Variants in VSTM5 observed in about 807,000 individuals in gnomAD.
VSTM5 encodes the protein V-set and transmembrane domain-containing protein 5.
Under a neutral mutation model 20.3 loss-of-function variants are expected in VSTM5, and 21 were observed. The observed-to-expected ratio is 1.03, with a 90% confidence interval of 0.73 to 1.49. The LOEUF (loss-of-function observed/expected upper bound fraction) is 1.49. Among genes scored for constraint, VSTM5 ranks in the 40% most tolerant of loss-of-function variants. VSTM5 has a pLI of 0.00. For synonymous variants in VSTM5, 100 were observed against 102.5 expected (o/e 0.98, Z 0.14); for missense variants, 219 against 250.0 (o/e 0.88, Z 0.84).
intron 1 of VSTM5, among the ~76,000 whole-genome samples, chr11:93,829,626 G>GT (rs1944265968): frequency 6.6e-6 from 1 of 152,188 alleles, no homozygotes; most frequent in African/African-American, 2.4e-5. Flanking sequence ...CAATAGGGGA[G>GT]TTGTGGAGGC....
chr11:93,830,281 T>G (rs1049714293), intron 1 of VSTM5, among the ~76,000 whole-genome samples: 3 of 152,218 alleles, frequency 2.0e-5, no homozygotes, highest in Non-Finnish European at 2.9e-5. Flanking sequence ...ACATCACATG[T>G]ACTGCCCTGG....
chr11:93,824,243 A>G (rs779215932), intron 1 of VSTM5, among the ~76,000 whole-genome samples: 3 of 152,122 alleles, frequency 2.0e-5, no homozygotes, highest in Non-Finnish European at 4.4e-5. Context: ...AGGAATCTCC[A>G]TACTTTTTTC....
In VSTM5 at chr11:93,850,361, C is replaced by T. The variant is rs958177514; in HGVS notation, c.91+51G>A. On this transcript the variant is annotated intron_variant, in intron 1 of 3. Coordinates refer to ENST00000409977, the MANE Select transcript of VSTM5 (RefSeq NM_001144871.2). ...TAGACCCCGGGGCCCCGCCCGTGCC[C>T]CCCTACCCATTCCCGCTCCCCCAGC... 22 of 1,508,862 alleles carry T rather than the reference C, an allele frequency of 1.5e-5. No individual in the cohort carries two copies. In the African/African-American group the frequency reaches 2.6e-4, roughly 18 times the overall value. The allele number at this position is 1,508,862 out of a possible 1,614,324, so 93.5% of individuals were successfully genotyped here. A position where few individuals can be genotyped will look rare whatever the true frequency, so the allele number is the denominator to read the frequency against.
At chr11:93,843,871 A>T (rs755071) in intron 1 of VSTM5, among the ~76,000 whole-genome samples, 1 of 151,718 alleles carries the variant, frequency 6.6e-6, no homozygotes, top group African/African-American at 2.4e-5. Context: ...ACAGACCATC[A>T]CCCACTGGGC....
At chr11:93,843,745 G>C (rs1944390282) in intron 1 of VSTM5, among the ~76,000 whole-genome samples, 1 of 152,076 alleles carries the variant, frequency 6.6e-6, no homozygotes, top group Non-Finnish European at 1.5e-5. Context: ...ATCTTTCTAA[G>C]CCACACATCT....
chr11:93,844,086 T>A (rs151318547), intron 1 of VSTM5, among the ~76,000 whole-genome samples: 2 of 152,314 alleles, frequency 1.3e-5, no homozygotes, highest in Non-Finnish European at 2.9e-5. Flanking sequence ...ACATTGTGCT[T>A]ATGTCCGAAT....
At chr11:93,826,497 G>C (rs971644799) in intron 1 of VSTM5, among the ~76,000 whole-genome samples, 1 of 151,616 alleles carries the variant, frequency 6.6e-6, no homozygotes, top group Non-Finnish European at 1.5e-5. Context: ...TCCCGGGTTC[G>C]TGCCATTCTC....
At chr11:93,834,761 C>A (rs187279452) in intron 1 of VSTM5, among the ~76,000 whole-genome samples, 1 of 123,926 alleles carries the variant, frequency 8.1e-6, no homozygotes, top group African/African-American at 3.1e-5. Context: ...CCAGCCTGGG[C>A]GACAGAGTGA....
chr11:93,832,274 A>C (rs978922157), intron 1 of VSTM5, among the ~76,000 whole-genome samples: 3 of 152,268 alleles, frequency 2.0e-5, no homozygotes, highest in African/African-American at 7.2e-5. Flanking sequence ...GATGATCTCA[A>C]AAATAATGAA....
chr11:93,842,960 G>A (rs1199577376), intron 1 of VSTM5, among the ~76,000 whole-genome samples: 2 of 152,074 alleles, frequency 1.3e-5, no homozygotes, highest in Admixed American at 6.5e-5. Context: ...GTGTGGTGGT[G>A]CACACCTGTA....
At chr11:93,836,779 A>G (rs1318560970) in intron 1 of VSTM5, among the ~76,000 whole-genome samples, 1 of 152,042 alleles carries the variant, frequency 6.6e-6, no homozygotes. Flanking sequence ...GGAGTTGCCT[A>G]TTTGGTTCCC....
intron 1 of VSTM5, among the ~76,000 whole-genome samples, chr11:93,834,493 CT>C (rs1944307056): frequency 6.6e-6 from 1 of 152,026 alleles, no homozygotes; most frequent in Non-Finnish European, 1.5e-5. Context: ...ACTTAAGCCC[CT>C]GGCCATGTGT....
chr11:93,834,640 G>A (rs749961327), intron 1 of VSTM5, among the ~76,000 whole-genome samples: 4 of 152,016 alleles, frequency 2.6e-5, no homozygotes, highest in South Asian at 2.1e-4. Context: ...AAAATTAGCC[G>A]GATGTGATGA....
chr11:93,848,189 C>T (rs1456903912), intron 1 of VSTM5, among the ~76,000 whole-genome samples: 1 of 152,160 alleles, frequency 6.6e-6, no homozygotes, highest in African/African-American at 2.4e-5. Flanking sequence ...TAGTGAATAT[C>T]AGAGGTTCTG....
chr11:93,849,831 G>C (rs1944443773), intron 1 of VSTM5, among the ~76,000 whole-genome samples: 1 of 152,208 alleles, frequency 6.6e-6, no homozygotes, highest in Non-Finnish European at 1.5e-5. Context: ...CAGTGCGCTG[G>C]TCGCGAGGAC....
rs189135882 is a variant in VSTM5, at chr11:93,839,060, C to T, written c.91+11352G>A. Among the ~76,000 whole-genome samples the T allele has an allele frequency of 2.0e-3, 308 of 152,328 alleles. 1 individual carries two copies. The highest frequency in any genetic ancestry group is 0.01 in the Middle Eastern group (3 of 294). On this transcript the variant is annotated intron_variant, in intron 1 of 3. Transcript: ENST00000409977. ...GCAACGCCAGGCTCTTCTTACAGCC[C>T]GGCCCCTGCAGAAAGGGCCTTGAGA... is the stretch of plus-strand genomic sequence containing the variant.
In VSTM5 at chr11:93,836,509, G is replaced by A. The variant is rs999503929; in HGVS notation, c.91+13903C>T. Among the ~76,000 whole-genome samples the A allele has an allele frequency of 7.9e-5, 12 of 152,134 alleles. No homozygotes were observed. In the East Asian group the frequency reaches 2.3e-3, roughly 29 times the overall value. On this transcript the variant is annotated intron_variant, in intron 1 of 3. Transcript: ENST00000409977. ...TTCTTCAGCCCCTTGGATTCATCTC[G>A]TTCTCTCACACTGCAGGGACTTAGC...
chr11:93,847,586 G>A (rs2135741662), intron 1 of VSTM5, among the ~76,000 whole-genome samples: 1 of 152,370 alleles, frequency 6.6e-6, no homozygotes, highest in African/African-American at 2.4e-5. Flanking sequence ...TCTGGCCCAG[G>A]CCATTAACTA....
intron 1 of VSTM5, among the ~76,000 whole-genome samples, chr11:93,841,976 G>A (rs1217072501): frequency 6.6e-6 from 1 of 152,198 alleles, no homozygotes. Context: ...TGTGTGAACT[G>A]GGGTAAGTGA....
Sources: gnomAD v4.1 joint callset for allele counts (sites outside exome capture counted in the v4.1 genomes callset) on GRCh38, gnomAD v4.1.1 for gene constraint, MANE v1.5 for transcripts, NCBI Gene and HGNC (gene_info 2026-07-23, HGNC 2026-07-21) for gene names.